NPEPPS: variants seen among roughly 807,000 people sequenced by gnomAD.
NPEPPS encodes the protein puromycin-sensitive aminopeptidase.
Under a neutral mutation model 115.5 loss-of-function variants are expected in NPEPPS, and 14 were observed. The ratio of observed to expected loss-of-function variants is 0.12; its 90% CI spans 0.08 to 0.19. NPEPPS has a LOEUF of 0.19. NPEPPS is among the 10% of genes least tolerant of loss of function. The pLI, the probability that NPEPPS is intolerant of heterozygous loss-of-function variation, is 1.00. For missense variants in NPEPPS, 523 were observed against 1,110.8 expected (o/e 0.47, Z 7.52); for synonymous variants, 285 against 390.6 (o/e 0.73, Z 3.19).
At chr17:47,532,955 C>G (rs576637665) in intron 1 of NPEPPS, among the ~76,000 whole-genome samples, 72 of 152,240 alleles carry the variant, frequency 4.7e-4, no homozygotes, top group African/African-American at 1.6e-3. Context: ...TGTTTCATTT[C>G]TCTTCCTACT....
intron 3 of NPEPPS, among the ~76,000 whole-genome samples, chr17:47,571,854 A>G (rs1256962351): frequency 6.6e-6 from 1 of 152,216 alleles, no homozygotes; most frequent in East Asian, 1.9e-4. Flanking sequence ...ATTCCTATGT[A>G]TATATAAATT....
At chr17:47,584,729 T>C (rs1288429121) in intron 5 of NPEPPS, among the ~76,000 whole-genome samples, 1 of 152,164 alleles carries the variant, frequency 6.6e-6, no homozygotes, top group Non-Finnish European at 1.5e-5. Flanking sequence ...AAAGGTAAAG[T>C]TGAAATTTCT....
intron 15 of NPEPPS, 65 bp from the exon 16 acceptor site, chr17:47,603,850 A>G (rs777134917): frequency 2.7e-6 from 4 of 1,457,906 alleles, no homozygotes; most frequent in Admixed American, 2.1e-5. Flanking sequence ...CCTTTTAAAC[A>G]TACAAAAGGT....
intron 2 of NPEPPS, among the ~76,000 whole-genome samples, chr17:47,568,218 C>T (rs1304518160): frequency 6.7e-6 from 1 of 150,034 alleles, no homozygotes; most frequent in Admixed American, 6.7e-5. Context: ...GGCTGGAGTA[C>T]AGTGGCACAA....
At chr17:47,609,907 A>G (rs1043772814) in intron 17 of NPEPPS, among the ~76,000 whole-genome samples, 4 of 152,190 alleles carry the variant, frequency 2.6e-5, no homozygotes, top group Non-Finnish European at 5.9e-5. Flanking sequence ...ATTGCTGAGT[A>G]GTATTTCATC....
At chr17:47,528,202 T>C (rs1907517779), upstream of NPEPPS, among the ~76,000 whole-genome samples, 1 of 151,920 alleles carries the variant, frequency 6.6e-6, no homozygotes. Context: ...CTGAGGAGGC[T>C]GGGGCAGGAG....
intron 1 of NPEPPS, among the ~76,000 whole-genome samples, chr17:47,532,292 C>G (rs1907857995): frequency 6.6e-6 from 1 of 152,152 alleles, no homozygotes; most frequent in African/African-American, 2.4e-5. Flanking sequence ...CACCTATCTT[C>G]CTAGCTTTGC....
Position 47,582,865 on chromosome 17 carries a change from T to C in NPEPPS, c.648+16T>C. ...ATCAAACATGGTATGTATGTGTTTA[T>C]AAGTTTATCTAAAATTTTAATAGGC... On this transcript the variant is annotated intron_variant, in intron 5 of 22. Transcript: ENST00000322157. 3 of 629,282 alleles carry C rather than the reference T, an allele frequency of 4.8e-6. No homozygotes were observed. The highest frequency in any genetic ancestry group is 1.9e-5 in the South Asian group (1 of 52,132). The allele number at this position is 629,282 out of a possible 1,614,324, so 39.0% of individuals were successfully genotyped here.
At chr17:47,533,283 A>G (rs1907957315) in intron 1 of NPEPPS, among the ~76,000 whole-genome samples, 2 of 152,052 alleles carry the variant, frequency 1.3e-5, no homozygotes, top group African/African-American at 2.4e-5. Flanking sequence ...AAATTTTTCC[A>G]TTAAGAATAT....
chr17:47,605,293 G>A, intron 16 of NPEPPS, 40 bp from the exon 17 acceptor site: 1 of 1,464,292 alleles, frequency 6.8e-7, no homozygotes, highest in East Asian at 2.4e-5. Context: ...TTTTGGTTTT[G>A]TTTGAAGACT....
chr17:47,568,209 G>A (rs1306380553), intron 2 of NPEPPS, among the ~76,000 whole-genome samples: 1 of 150,682 alleles, frequency 6.6e-6, no homozygotes. Context: ...TGTCGCCCAG[G>A]CTGGAGTACA....
At chr17:47,587,185 C>A (rs1241410312) in intron 8 of NPEPPS, 45 bp from the exon 9 acceptor site, 2 of 1,509,016 alleles carry the variant, frequency 1.3e-6, no homozygotes, top group Non-Finnish European at 1.8e-6. Context: ...TGCATGCCCA[C>A]TTTTATTGTT....
chr17:47,587,104 G>A, intron 8 of NPEPPS, 126 bp from the exon 9 acceptor site: 1 of 808,296 alleles, frequency 1.2e-6, no homozygotes, highest in Non-Finnish European at 1.8e-6. Flanking sequence ...TTCCATATTA[G>A]GAAATATTTT....
intron 1 of NPEPPS, among the ~76,000 whole-genome samples, chr17:47,538,862 C>T (rs991097363): frequency 6.6e-6 from 1 of 152,122 alleles, no homozygotes; most frequent in African/African-American, 2.4e-5. Flanking sequence ...GTTTTGTTTT[C>T]CTTACTCTCA....
At chr17:47,540,880 G>A (rs576486458) in intron 1 of NPEPPS, among the ~76,000 whole-genome samples, 1 of 152,208 alleles carries the variant, frequency 6.6e-6, no homozygotes, top group Admixed American at 6.5e-5. Context: ...TTTTTAAAAT[G>A]TGAATGGATT....
intron 2 of NPEPPS, among the ~76,000 whole-genome samples, chr17:47,550,090 A>G (rs1597826378): frequency 6.6e-6 from 1 of 151,462 alleles, no homozygotes; most frequent in Middle Eastern, 3.4e-3. Context: ...GCACGCTGCC[A>G]CGCCCAGCTA....
intron 2 of NPEPPS, among the ~76,000 whole-genome samples, chr17:47,553,749 G>A (rs112805172): frequency 6.6e-6 from 1 of 151,186 alleles, no homozygotes; most frequent in African/African-American, 2.4e-5. Context: ...TGTTGTGTGC[G>A]TCTCTCTCTC....
At chr17:47,546,043 G>GGTGTGT (rs372434515) in intron 2 of NPEPPS, 50 bp downstream of exon 2, 17,599 of 1,205,862 alleles carry the variant, frequency 0.015, 139 homozygotes, top group African/African-American at 0.056. Flanking sequence ...GCATATGTGG[G>GGTGTGT]GTGTGTGTGT....
chr17:47,615,063 TAC>T, intron 19 of NPEPPS, among the ~76,000 whole-genome samples: 1 of 141,218 alleles, frequency 7.1e-6, no homozygotes, highest in East Asian at 2.2e-4. Flanking sequence ...GTAATAGGTT[TAC>T]TTTCTTTCTT....
Sources: gnomAD v4.1 joint callset for allele counts (sites outside exome capture counted in the v4.1 genomes callset) on GRCh38, gnomAD v4.1.1 for gene constraint, MANE v1.5 for transcripts, NCBI Gene and HGNC (gene_info 2026-07-23, HGNC 2026-07-21) for gene names.